The following HHAT variants were observed in gnomAD, a reference collection of about 807,000 sequenced individuals.
The protein encoded by HHAT is hedgehog acyltransferase.
HHAT carries 47 observed loss-of-function variants against 70.8 expected under a neutral mutation model. The observed-to-expected ratio is 0.66, with a 90% CI of 0.53 to 0.85. The LOEUF is 0.85. Among genes scored for constraint, HHAT ranks in the 40% least tolerant of loss-of-function variants. The pLI is 0.00. For missense variants in HHAT, 609 were observed against 604.8 expected (o/e 1.01, Z -0.07); for synonymous variants, 228 against 247.6 (o/e 0.92, Z 0.74).
chr1:210,626,527 G>C (rs1212578779), intron 11 of HHAT, among the ~76,000 whole-genome samples: 1 of 152,136 alleles, frequency 6.6e-6, no homozygotes, highest in Non-Finnish European at 1.5e-5. Context: ...TCTGTCCCAT[G>C]GGCCTCCTGA....
In HHAT at chr1:210,418,314, G is replaced by T. The variant is rs754359000; in HGVS notation, c.845G>T (p.Cys282Phe). 1 of 1,591,164 alleles carries T rather than the reference G, an allele frequency of 6.3e-7. No individual in the cohort carries two copies. The highest frequency in any genetic ancestry group is 1.3e-5 in the African/African-American group (1 of 74,398). ...SSIPLLETVSCWTLGGLALAQ... is the reference protein window; with the variant it reads ...SSIPLLETVSFWTLGGLALAQ... ...ATCCCCCTCCTGGAGACTGTCTCTT[G>T]TTGGACCTTAGGTAATTGTGGGAAT... is the stretch of plus-strand genomic sequence containing the variant. The change falls in exon 7 of 12, where the codon TGT becomes TTT. Residue 282 changes from cysteine (C) to phenylalanine (F), a missense_variant. Cys to Phe is a radical substitution (Grantham distance 205). Coordinates refer to ENST00000261458, the MANE Select transcript of HHAT (RefSeq NM_018194.6).
Position 210,659,875 on chromosome 1 carries a change from A to C in HHAT, c.1391-14413A>C, listed in dbSNP as rs545043086. 5.9e-5 allele frequency among the ~76,000 whole-genome samples: 9 copies of C among 152,352 alleles called. No individual in the cohort carries two copies. In the South Asian group the frequency reaches 1.4e-3, roughly 25 times the overall value. ...CTTTGACAAAATTCAACAGCCCTTC[A>C]TGCCAAAAACTCTCAATAAAATAGG... On this transcript the variant is annotated intron_variant, in intron 11 of 11. Coordinates refer to ENST00000261458, the MANE Select transcript of HHAT (RefSeq NM_018194.6).
chr1:210,490,454 C>CT (rs1184373747), intron 8 of HHAT, among the ~76,000 whole-genome samples: 1 of 152,164 alleles, frequency 6.6e-6, no homozygotes, highest in Middle Eastern at 3.2e-3. Flanking sequence ...CTTACTTAGA[C>CT]TTGGTTCCTG....
At chr1:210,594,732 T>C (rs1483843497) in intron 10 of HHAT, among the ~76,000 whole-genome samples, 2 of 152,218 alleles carry the variant, frequency 1.3e-5, no homozygotes, top group African/African-American at 4.8e-5. Context: ...CTTGTTCTGG[T>C]GTTGATGAAA....
At chr1:210,536,463 G>T (rs1470580559) in intron 9 of HHAT, among the ~76,000 whole-genome samples, 3 of 152,222 alleles carry the variant, frequency 2.0e-5, no homozygotes, top group African/African-American at 7.2e-5. Flanking sequence ...AGGCATGCTG[G>T]GCTCAGCACC....
At chr1:210,622,150 G>A (rs1341336167) in intron 10 of HHAT, among the ~76,000 whole-genome samples, 2 of 152,124 alleles carry the variant, frequency 1.3e-5, no homozygotes, top group African/African-American at 4.8e-5. Context: ...AGTCCTTTTT[G>A]CCTGTCATGA....
chr1:210,629,893 A>G (rs183598705), intron 11 of HHAT, among the ~76,000 whole-genome samples: 2 of 147,826 alleles, frequency 1.4e-5, no homozygotes, highest in East Asian at 4.0e-4. Context: ...CCCAGGTTGG[A>G]GTGCAGTGGC....
Position 210,375,637 on chromosome 1 carries a change from T to A in HHAT, c.160-11831T>A, listed in dbSNP as rs533329601. On this transcript the variant is annotated intron_variant, in intron 3 of 11. Coordinates refer to ENST00000261458, the MANE Select transcript of HHAT (RefSeq NM_018194.6). ...TATTCAGCTTCTTGAATTTGTAGGT[T>A]TATGCTTTTTGCCAAATTTGGAGAT... 2.0e-5 allele frequency among the ~76,000 whole-genome samples: 3 copies of A among 152,280 alleles called. No individual in the cohort carries two copies. The South Asian group carries it at 6.2e-4, about 32-fold the overall frequency.
intron 9 of HHAT, among the ~76,000 whole-genome samples, chr1:210,531,478 G>A (rs2095314057): frequency 6.6e-6 from 1 of 152,182 alleles, no homozygotes; most frequent in Non-Finnish European, 1.5e-5. Flanking sequence ...TGTCAATACA[G>A]GCTGCAGAGA....
intron 7 of HHAT, among the ~76,000 whole-genome samples, chr1:210,446,209 G>A (rs764186826): frequency 2.6e-5 from 4 of 152,120 alleles, no homozygotes; most frequent in South Asian, 2.1e-4. Flanking sequence ...GGGGCCTCAC[G>A]GGAGCCTTAC....
chr1:210,566,095 G>A (rs1448223925), intron 9 of HHAT, among the ~76,000 whole-genome samples: 2 of 152,136 alleles, frequency 1.3e-5, no homozygotes, highest in African/African-American at 4.8e-5. Context: ...ATCTAGATCT[G>A]CCATGCTTTG....
rs550902835 is a variant in HHAT at position 210,651,314 on chromosome 1, G to T, written c.1391-22974G>T. Among the ~76,000 whole-genome samples, 6 of 152,264 alleles carry T rather than the reference G, an allele frequency of 3.9e-5. No homozygotes were observed. In the South Asian group the frequency reaches 1.2e-3, roughly 32 times the overall value. ...AGTCTGGAAAACAGAGACTATACTA[G>T]GTATTTAAGCAGCAGGGATTTGATA... On this transcript the variant is annotated intron_variant, in intron 11 of 11. Transcript: ENST00000261458.
At chr1:210,380,395 G>T (rs548228505) in intron 3 of HHAT, among the ~76,000 whole-genome samples, 62 of 152,192 alleles carry the variant, frequency 4.1e-4, no homozygotes, top group African/African-American at 1.4e-3. Context: ...ACAAAAATTA[G>T]TTGGGCATGG....
chr1:210,521,310 C>T (rs1288740341), intron 9 of HHAT, among the ~76,000 whole-genome samples: 2 of 152,266 alleles, frequency 1.3e-5, no homozygotes, highest in South Asian at 4.2e-4. Flanking sequence ...TCTCAAATAT[C>T]TTTGAATGGC....
chr1:210,344,290 ATG>A (rs1382989855), intron 1 of HHAT, among the ~76,000 whole-genome samples: 1 of 48,656 alleles, frequency 2.1e-5, no homozygotes. Flanking sequence ...CATTGAAACA[ATG>A]TTATTGTTTC....
At chr1:210,346,431 T>C (rs1207340349) in intron 1 of HHAT, among the ~76,000 whole-genome samples, 2 of 152,230 alleles carry the variant, frequency 1.3e-5, no homozygotes, top group Non-Finnish European at 2.9e-5. Context: ...GAAAGGAGTC[T>C]TGTTATTCTA....
At chr1:210,546,719 C>T (rs2095486861) in intron 9 of HHAT, among the ~76,000 whole-genome samples, 1 of 152,060 alleles carries the variant, frequency 6.6e-6, no homozygotes, top group South Asian at 2.1e-4. Flanking sequence ...AGGATGGAGG[C>T]ACAGAGAAAA....
chr1:210,568,707 G>T (rs1655373858), intron 9 of HHAT, among the ~76,000 whole-genome samples: 1 of 152,148 alleles, frequency 6.6e-6, no homozygotes, highest in African/African-American at 2.4e-5. Flanking sequence ...ATCAAGTAAA[G>T]TTACAAAGTC....
intron 7 of HHAT, among the ~76,000 whole-genome samples, chr1:210,435,363 CCATT>C (rs143443915): frequency 0.23 from 34,617 of 151,498 alleles, 4,471 homozygotes; most frequent in Admixed American, 0.35. Flanking sequence ...TTTTTTAACT[CCATT>C]CATTAATGGA....
Sources: allele counts gnomAD v4.1 joint callset (sites outside exome capture counted in the v4.1 genomes callset), GRCh38; gene constraint gnomAD v4.1.1; transcripts MANE v1.5; gene names NCBI Gene and HGNC (gene_info 2026-07-23, HGNC 2026-07-21).